Variants in ADGRL1 observed in about 807,000 individuals in gnomAD.
ADGRL1 encodes the protein adhesion G protein-coupled receptor L1.
ADGRL1 carries 31 observed loss-of-function variants against 148.9 expected under a neutral mutation model. That is an observed-to-expected ratio of 0.21 (90% confidence interval 0.16 to 0.28). The LOEUF (loss-of-function observed/expected upper bound fraction) is 0.28, where lower values mean the gene tolerates loss of function less well. Among genes scored for constraint, ADGRL1 ranks in the 10% least tolerant of loss-of-function variants. The pLI, the probability that ADGRL1 is intolerant of heterozygous loss-of-function variation, is 1.00. For missense variants in ADGRL1, 1,521 were observed against 2,058.8 expected (o/e 0.74, Z 5.05); for synonymous variants, 937 against 900.3 (o/e 1.04, Z -0.73).
At chr19:14,156,768 C>A in intron 15 of ADGRL1, 44 bp from the exon 16 acceptor site, 1 of 1,574,440 alleles carries the variant, frequency 6.4e-7, no homozygotes, top group Non-Finnish European at 8.7e-7. Context: ...AGCCGAGGAG[C>A]CATTCCCAGC....
intron 1 of ADGRL1, among the ~76,000 whole-genome samples, chr19:14,201,887 G>A (rs1599529813): frequency 6.6e-6 from 1 of 152,146 alleles, no homozygotes; most frequent in African/African-American, 2.4e-5. Flanking sequence ...GTGAAAAGCC[G>A]TCCGCTGTAC....
chr19:14,155,348 C>T lies in ADGRL1; in HGVS notation c.3294+11G>A, dbSNP rs776981618. 1.8e-5 allele frequency: 29 copies of T among 1,613,114 alleles called. No individual in the cohort carries two copies. Among genetic ancestry groups the T allele is most frequent in the Non-Finnish European group, 2.5e-5 (29 of 1,179,382 alleles). On this transcript the variant is annotated intron_variant, in intron 18 of 22. Coordinates refer to ENST00000361434, the MANE Select transcript of ADGRL1 (RefSeq NM_014921.5). The surrounding 1 kb of genome is among the most constrained non-coding windows in gnomAD (Gnocchi z 5.0). ...GGGAGGCTGTGACCCAGGACCCCGC[C>T]TCGACCTCACCTTCTTCTGTAAGGC...
intron 3 of ADGRL1, among the ~76,000 whole-genome samples, chr19:14,176,523 G>C (rs1000804652): frequency 2.0e-5 from 3 of 151,974 alleles, no homozygotes; most frequent in Non-Finnish European, 2.9e-5. Context: ...TCTCCTCCTT[G>C]GAGTAGCCTG....
In ADGRL1 at chr19:14,152,697, G is replaced by C. The variant is rs193249314; in HGVS notation, c.3424-84C>G. The C allele has an allele frequency of 2.5e-6, 4 of 1,595,900 alleles. No homozygotes were observed. The highest frequency in any genetic ancestry group is 1.1e-5 in the South Asian group (1 of 90,100). On this transcript the variant is annotated intron_variant, in intron 19 of 22. Transcript: ENST00000361434. This position sits in a 1 kb window ranked among gnomAD's most constrained non-coding sequence, Gnocchi z 6.1. The stretch of plus-strand genomic sequence containing the variant: ...CTGAGACTGCTCACCTGATCATCAC[G>C]ATCAGAAACCTAGGCCAAGCCACTC...
At chr19:14,185,066 A>G (rs116373107) in intron 1 of ADGRL1, among the ~76,000 whole-genome samples, 2,656 of 152,174 alleles carry the variant, frequency 0.017, 71 homozygotes, top group African/African-American at 0.061. Flanking sequence ...TACAGGAGTG[A>G]GCCACTGTGC....
Position 14,160,527 on chromosome 19 carries a change from C to T in ADGRL1, c.1614+66G>A. The T allele has an allele frequency of 1.6e-6, 2 of 1,228,194 alleles. No homozygotes were observed. The highest frequency in any genetic ancestry group is 2.3e-6 in the Non-Finnish European group (2 of 883,420). The allele number at this position is 1,228,194 out of a possible 1,614,324, so 76.1% of individuals were successfully genotyped here. A position where few individuals can be genotyped will look rare whatever the true frequency, so the allele number is the denominator to read the frequency against. ...CATGTCTCCCCAGCTGCTCCACGAC[C>T]CCCGCTGGGCCCTGGGCCCTGGGCC... On this transcript the variant is annotated intron_variant, in intron 7 of 22. Transcript: ENST00000361434. The surrounding 1 kb of genome is among the most constrained non-coding windows in gnomAD (Gnocchi z 5.9).
At chr19:14,186,146 C>T (rs1444219934) in intron 1 of ADGRL1, among the ~76,000 whole-genome samples, 4 of 152,168 alleles carry the variant, frequency 2.6e-5, no homozygotes, top group Non-Finnish European at 5.9e-5. Context: ...GCAGCCTCCA[C>T]CTCCCAGGCT....
Position 14,152,382 on chromosome 19 carries a change from G to A in ADGRL1, c.3576C>T (p.Thr1192=), listed in dbSNP as rs1187734288. The change falls in exon 21 of 23, where the codon ACC becomes ACT. Residue 1192 remains threonine (T), a synonymous_variant. Transcript: ENST00000361434. This position sits in a 1 kb window ranked among gnomAD's most constrained non-coding sequence, Gnocchi z 6.1. ...TNPVLQPRGG[T]SPYNTLIAES... ...CGGCGATGAGGGTGTTGTAGGGACT[G>A]GTGCCCCCACGGGGCTGCAGCACGG... 2 of 1,601,840 alleles carry A rather than the reference G, an allele frequency of 1.2e-6. No homozygotes were observed. Among genetic ancestry groups the A allele is most frequent in the African/African-American group, 2.7e-5 (2 of 74,834 alleles).
intron 4 of ADGRL1, among the ~76,000 whole-genome samples, chr19:14,164,957 A>G (rs12461813): frequency 0.096 from 14,616 of 152,220 alleles, 906 homozygotes; most frequent in Admixed American, 0.17. Flanking sequence ...GAGGGTTTGC[A>G]GTGAATTCTC....
chr19:14,170,577 C>T lies in ADGRL1; in HGVS notation c.394+105G>A, dbSNP rs533271802. On this transcript the variant is annotated intron_variant, in intron 4 of 22. Coordinates refer to ENST00000361434, the MANE Select transcript of ADGRL1 (RefSeq NM_014921.5). ...GCAGGCCCGGCTGTCCCCACTGTGCCCAGGCCCCATGCATGTGTGCACATG... is the reference window on the plus strand; with the variant it reads ...GCAGGCCCGGCTGTCCCCACTGTGCTCAGGCCCCATGCATGTGTGCACATG... 7.3e-6 allele frequency: 5 copies of T among 681,662 alleles called. No individual in the cohort carries two copies. In the South Asian group the frequency reaches 8.6e-5, roughly 12 times the overall value. 42.2% of individuals were successfully genotyped at this position (681,662 alleles called of 1,614,324 possible). A position where few individuals can be genotyped will look rare whatever the true frequency, so the allele number is the denominator to read the frequency against.
chr19:14,161,526 T>A lies in ADGRL1; in HGVS notation c.1296A>T (p.Ala432=), dbSNP rs1969374026. The A allele has an allele frequency of 2.8e-6, 4 of 1,439,584 alleles. No homozygotes were observed. The highest frequency in any genetic ancestry group is 2.7e-5 in the East Asian group (1 of 37,108). 89.2% of individuals were successfully genotyped at this position (1,439,584 alleles called of 1,614,324 possible). A position where few individuals can be genotyped will look rare whatever the true frequency, so the allele number is the denominator to read the frequency against. The change falls in exon 6 of 23, where the codon GCA becomes GCT. Residue 432 remains alanine (A), a synonymous_variant. Transcript: ENST00000361434. The surrounding 1 kb of genome is among the most constrained non-coding windows in gnomAD (Gnocchi z 4.4). The stretch of plus-strand genomic sequence containing the variant: ...CACCCACTGGGTGCGTGGTGAGGGG[T>A]GCCCGGCGGAGCGGGGTGGTGGCTG... The part of the protein sequence containing the change: ...SPAATTPLRR[A]PLTTHPVGAI...
chr19:14,183,459 T>C, intron 2 of ADGRL1, 74 bp downstream of exon 2: 3 of 1,321,852 alleles, frequency 2.3e-6, no homozygotes, highest in Non-Finnish European at 2.0e-6. Flanking sequence ...ATCAGGAGGG[T>C]TTTCAACATT....
Position 14,177,660 on chromosome 19 carries a change from C to G in ADGRL1, c.155G>C (p.Gly52Ala). 3.7e-6 allele frequency: 6 copies of G among 1,614,224 alleles called. No homozygotes were observed. Among genetic ancestry groups the G allele is most frequent in the Non-Finnish European group, 5.1e-6 (6 of 1,180,048 alleles). Residue 52 changes from glycine to alanine, a missense_variant, in exon 3 of 23, where the codon GGC (glycine) becomes GCC (alanine). Coordinates refer to ENST00000361434, the MANE Select transcript of ADGRL1 (RefSeq NM_014921.5). ...EGYPIELRCPGSDVIMVENAN... is the reference protein window; with the variant it reads ...EGYPIELRCPASDVIMVENAN... ...ATTCTCCACCATGATGACGTCGCTG[C>G]CGGGGCACCGCAGCTCGATGGGGTA... is the stretch of plus-strand genomic sequence containing the variant.
At chr19:14,170,632 T>C (rs1162195019) in intron 4 of ADGRL1, 50 bp downstream of exon 4, 1 of 1,123,272 alleles carries the variant, frequency 8.9e-7, no homozygotes, top group Non-Finnish European at 1.3e-6. Context: ...TCCTCCTCAC[T>C]CACTCATGCG....
chr19:14,185,219 C>T (rs776135049), intron 1 of ADGRL1, among the ~76,000 whole-genome samples: 1 of 152,232 alleles, frequency 6.6e-6, no homozygotes, highest in African/African-American at 2.4e-5. Context: ...TATCTACACC[C>T]TGGTTCTCCA....
At position 14,183,612 on chromosome 19, in the gene ADGRL1, C is replaced by T. The variant is rs1052989831; in HGVS notation, c.-10G>A. The T allele has an allele frequency of 2.3e-5, 36 of 1,566,820 alleles. No individual in the cohort carries two copies. Among genetic ancestry groups the T allele is most frequent in the Non-Finnish European group, 2.9e-5 (33 of 1,155,420 alleles). ...CGGCTAGGCGGGCCATGGTGGCAGC[C>T]GGGTGCGTGTCCGGAGCTCTCAGTG... On this transcript the variant is annotated 5_prime_UTR_variant, in exon 2 of 23. Coordinates refer to ENST00000361434, the MANE Select transcript of ADGRL1 (RefSeq NM_014921.5).
intron 4 of ADGRL1, chr19:14,167,042 A>G (rs780777950): frequency 6.2e-6 from 10 of 1,608,432 alleles, no homozygotes; most frequent in Non-Finnish European, 8.5e-6. Flanking sequence ...TACTTTAAGC[A>G]TCGGAAGAGA....
At position 14,160,365 on chromosome 19, in the gene ADGRL1, T is replaced by C; in HGVS notation, c.1615-68A>G. On this transcript the variant is annotated intron_variant, in intron 7 of 22. Coordinates refer to ENST00000361434, the MANE Select transcript of ADGRL1 (RefSeq NM_014921.5). The surrounding 1 kb of genome is among the most constrained non-coding windows in gnomAD (Gnocchi z 5.9). ...AGGGACCATCCTGCCCTCCCCGGCT[T>C]CCCTGGCCTGTGCAGCCTCTCCTAT... The C allele has an allele frequency of 6.9e-7, 1 of 1,441,564 alleles. No homozygotes were observed. The highest frequency in any genetic ancestry group is 1.3e-5 in the South Asian group (1 of 77,018). The allele number at this position is 1,441,564 out of a possible 1,614,324, so 89.3% of individuals were successfully genotyped here. A position where few individuals can be genotyped will look rare whatever the true frequency, so the allele number is the denominator to read the frequency against.
chr19:14,152,368 G>T lies in ADGRL1; in HGVS notation c.3590C>A (p.Thr1197Asn). Reference sequence around the variant, plus strand: ...GAAGCCCACTGACTCGGCGATGAGGGTGTTGTAGGGACTGGTGCCCCCACG... The same window carrying T: ...GAAGCCCACTGACTCGGCGATGAGGTTGTTGTAGGGACTGGTGCCCCCACG... ...QPRGGTSPYN[T>N]LIAESVGFNP... Residue 1197 changes from threonine to asparagine, a missense_variant, in exon 21 of 23, where the codon ACC becomes AAC. Coordinates refer to ENST00000361434, the MANE Select transcript of ADGRL1 (RefSeq NM_014921.5). This position sits in a 1 kb window ranked among gnomAD's most constrained non-coding sequence, Gnocchi z 6.1. 11 of 1,602,158 alleles carry T rather than the reference G, an allele frequency of 6.9e-6. No individual in the cohort carries two copies. The highest frequency in any genetic ancestry group is 9.4e-6 in the Non-Finnish European group (11 of 1,172,616).
Sources: allele counts gnomAD v4.1 joint callset (sites outside exome capture counted in the v4.1 genomes callset), GRCh38; gene constraint gnomAD v4.1.1; non-coding constraint Gnocchi (gnomAD v3.1); transcripts MANE v1.5; gene names NCBI Gene and HGNC (gene_info 2026-07-23, HGNC 2026-07-21).